SLC9A4: variants seen among roughly 807,000 people sequenced by gnomAD.
The protein encoded by SLC9A4 is sodium/hydrogen exchanger 4.
In SLC9A4, 63 loss-of-function variants were observed where a neutral mutation model predicts 67.4. That is an observed-to-expected ratio of 0.93 (90% CI 0.76 to 1.15). The LOEUF is 1.15. Among genes scored for constraint, SLC9A4 ranks in the 50% most tolerant of loss-of-function variants. The pLI, the probability that SLC9A4 is intolerant of heterozygous loss-of-function variation, is 0.00. For synonymous variants in SLC9A4, 393 were observed against 367.2 expected, an observed-to-expected ratio of 1.07 and a Z score of -0.80; for missense variants, 1,089 against 987.7, an observed-to-expected ratio of 1.10 and a Z score of -1.38.
In SLC9A4 at chr2:102,479,399, G is replaced by A. The variant is rs897315325; in HGVS notation, c.720+97G>A. 3.9e-5 allele frequency: 51 copies of A among 1,294,558 alleles called. 2 individuals are homozygous for A. The Middle Eastern group carries it at 3.8e-3, about 96-fold the overall frequency. The allele number at this position is 1,294,558 out of a possible 1,614,324, so 80.2% of individuals were successfully genotyped here. ...GTGGAGACGGCTCCAGTGTGGCTCA[G>A]CGCAGCAGGACAGGGATGAGCTTCA... is the stretch of plus-strand genomic sequence containing the variant. On this transcript the variant is annotated intron_variant, in intron 2 of 11. Coordinates refer to ENST00000295269, the MANE Select transcript of SLC9A4 (RefSeq NM_001011552.4).
At chr2:102,504,640 T>C (rs947900799) in intron 3 of SLC9A4, among the ~76,000 whole-genome samples, 9 of 152,270 alleles carry the variant, frequency 5.9e-5, no homozygotes, top group African/African-American at 2.2e-4. Flanking sequence ...TACATTTAAT[T>C]TTATTGTAGA....
chr2:102,496,545 G>T (rs757438156), intron 2 of SLC9A4, among the ~76,000 whole-genome samples: 2 of 152,194 alleles, frequency 1.3e-5, no homozygotes, highest in Non-Finnish European at 2.9e-5. Flanking sequence ...AGGAACAGAA[G>T]CTATGCTTTT....
chr2:102,510,548 AT>A (rs1685146848), intron 6 of SLC9A4, among the ~76,000 whole-genome samples: 1 of 152,210 alleles, frequency 6.6e-6, no homozygotes, highest in South Asian at 2.1e-4. Context: ...AAGACAACTG[AT>A]TATGGACTTT....
Position 102,508,378 on chromosome 2 carries a change from G to C in SLC9A4, c.1401+97G>C, listed in dbSNP as rs537348971. The C allele has an allele frequency of 6.8e-6, 8 of 1,171,852 alleles. No individual in the cohort carries two copies. In the East Asian group the frequency reaches 1.3e-4, roughly 19 times the overall value. The allele number at this position is 1,171,852 out of a possible 1,614,324, so 72.6% of individuals were successfully genotyped here. A position where few individuals can be genotyped will look rare whatever the true frequency, so the allele number is the denominator to read the frequency against. ...ATAAAGGCATTTTATCTGATTTTCAGATCTGTGCTCAATACCCAAACTAAA... is the reference window on the plus strand; with the variant it reads ...ATAAAGGCATTTTATCTGATTTTCACATCTGTGCTCAATACCCAAACTAAA... On this transcript the variant is annotated intron_variant, in intron 5 of 11. Transcript: ENST00000295269.
chr2:102,511,001 G>T (rs1245641702), intron 6 of SLC9A4, among the ~76,000 whole-genome samples: 1 of 152,154 alleles, frequency 6.6e-6, no homozygotes, highest in Admixed American at 6.5e-5. Context: ...TTCCTGATTG[G>T]CACACCCGAA....
intron 11 of SLC9A4, among the ~76,000 whole-genome samples, chr2:102,528,302 C>G (rs924185507): frequency 2.0e-5 from 3 of 152,110 alleles, no homozygotes; most frequent in Non-Finnish European, 4.4e-5. Context: ...GCCACCGAGT[C>G]TGGTCGATAG....
rs757055191 is a variant in SLC9A4 at position 102,525,091 on chromosome 2, T to G, written c.1886T>G (p.Ile629Ser). ...GAGAAGCAGGCTAAAGAGATTCTGA[T>G]CCGCCGCCAGAACACCTTAAGGGAG... is the stretch of plus-strand genomic sequence containing the variant. ...TSEKQAKEIL[I>S]RRQNTLRESM... Residue 629 changes from isoleucine to serine, a missense_variant, in exon 10 of 12, where the codon ATC becomes AGC. Ile to Ser is a moderately radical substitution (Grantham distance 142). Coordinates refer to ENST00000295269, the MANE Select transcript of SLC9A4 (RefSeq NM_001011552.4). The G allele has an allele frequency of 6.2e-7, 1 of 1,614,056 alleles. No individual in the cohort carries two copies. The highest frequency in any genetic ancestry group is 1.7e-5 in the Admixed American group (1 of 60,006).
chr2:102,520,021 CTGTTGA>C, intron 9 of SLC9A4, 66 bp downstream of exon 9: 1 of 1,373,086 alleles, frequency 7.3e-7, no homozygotes, highest in South Asian at 1.2e-5. Context: ...AAGGGGGAGT[CTGTTGA>C]TGTTCAAGTC....
rs1684269521 is a variant in SLC9A4 at position 102,473,773 on chromosome 2, T to C, written c.14T>C (p.Met5Thr). 2 of 1,613,948 alleles carry C rather than the reference T, an allele frequency of 1.2e-6. No homozygotes were observed. Among genetic ancestry groups the C allele is most frequent in the Non-Finnish European group, 1.7e-6 (2 of 1,179,898 alleles). ...AAGCCCACAGGAATGGCTCTGCAGA[T>C]GTTCGTGACTTACAGTCCTTGGAAT... MALQ[M>T]FVTYSPWNCL... The change falls in exon 1 of 12, where the codon ATG becomes ACG. Residue 5 changes from methionine (M) to threonine (T), a missense_variant. Transcript: ENST00000295269.
intron 8 of SLC9A4, among the ~76,000 whole-genome samples, chr2:102,517,205 C>G (rs1685291885): frequency 6.6e-6 from 1 of 152,170 alleles, no homozygotes; most frequent in Non-Finnish European, 1.5e-5. Flanking sequence ...ACATGCTAAG[C>G]AGCTGCACAC....
intron 2 of SLC9A4, among the ~76,000 whole-genome samples, chr2:102,494,014 T>C (rs1684757201): frequency 6.6e-6 from 1 of 151,888 alleles, no homozygotes. Context: ...TCAGATGCTA[T>C]GTCATAGAAT....
chr2:102,486,298 G>A (rs912889217), intron 2 of SLC9A4, among the ~76,000 whole-genome samples: 7 of 152,100 alleles, frequency 4.6e-5, no homozygotes, highest in Admixed American at 1.3e-4. Context: ...ATTGATACAC[G>A]TAATGCATTC....
chr2:102,490,464 T>C (rs1684672756), intron 2 of SLC9A4, among the ~76,000 whole-genome samples: 1 of 152,230 alleles, frequency 6.6e-6, no homozygotes. Context: ...TGACCCTCCC[T>C]AGTATCTCTT....
rs1313326052 is a variant in SLC9A4 at position 102,473,854 on chromosome 2, A to T, written c.95A>T (p.Glu32Val). 4 of 1,613,954 alleles carry T rather than the reference A, an allele frequency of 2.5e-6. No individual in the cohort carries two copies. The highest frequency in any genetic ancestry group is 1.3e-5 in the African/African-American group (1 of 74,906). ...ECSEASSDLN[E>V]SANSTAQYAS... Reference sequence around the variant, plus strand: ...TCTGAAGCATCTTCTGATTTGAATGAATCTGCAAATTCCACTGCTCAGTAT... The same window carrying T: ...TCTGAAGCATCTTCTGATTTGAATGTATCTGCAAATTCCACTGCTCAGTAT... Residue 32 changes from glutamate (E) to valine (V), a missense_variant, in exon 1 of 12, where the codon GAA (glutamate) becomes GTA (valine). Coordinates refer to ENST00000295269, the MANE Select transcript of SLC9A4 (RefSeq NM_001011552.4).
chr2:102,479,759 G>A (rs1684420512), intron 2 of SLC9A4, among the ~76,000 whole-genome samples: 1 of 152,114 alleles, frequency 6.6e-6, no homozygotes, highest in African/African-American at 2.4e-5. Flanking sequence ...AAAGATAAGG[G>A]TCAGGGAAGA....
At chr2:102,488,522 A>G (rs1267408966) in intron 2 of SLC9A4, among the ~76,000 whole-genome samples, 1 of 151,060 alleles carries the variant, frequency 6.6e-6, no homozygotes, top group Non-Finnish European at 1.5e-5. Flanking sequence ...CCACTGAGAA[A>G]GCTGAGAGAC....
intron 2 of SLC9A4, among the ~76,000 whole-genome samples, chr2:102,491,247 TG>T (rs1390568020): frequency 6.6e-6 from 1 of 151,110 alleles, no homozygotes; most frequent in Middle Eastern, 3.2e-3. Flanking sequence ...GGGATGCATT[TG>T]GTCGCTTGCT....
intron 6 of SLC9A4, among the ~76,000 whole-genome samples, chr2:102,511,448 T>C (rs1685161092): frequency 6.6e-6 from 1 of 152,130 alleles, no homozygotes; most frequent in South Asian, 2.1e-4. Flanking sequence ...AAAAAAGTTA[T>C]AATTTTTGGT....
At chr2:102,487,971 C>T (rs1684622189) in intron 2 of SLC9A4, among the ~76,000 whole-genome samples, 1 of 152,252 alleles carries the variant, frequency 6.6e-6, no homozygotes, top group Non-Finnish European at 1.5e-5. Context: ...GCTATGAACA[C>T]ATGACTTATT....
Sources: gnomAD v4.1 joint callset for allele counts (sites outside exome capture counted in the v4.1 genomes callset) on GRCh38, gnomAD v4.1.1 for gene constraint, MANE v1.5 for transcripts, NCBI Gene and HGNC (gene_info 2026-07-23, HGNC 2026-07-21) for gene names.